The following VPS35L variants were observed in gnomAD, a reference collection of about 807,000 sequenced individuals.
VPS35L encodes VPS35 endosomal protein-sorting factor-like.
Under a neutral mutation model 133.0 loss-of-function variants are expected in VPS35L, and 83 were observed. The ratio of observed to expected loss-of-function variants is 0.62; its 90% CI spans 0.52 to 0.75. VPS35L has a LOEUF of 0.75. Among genes scored for constraint, VPS35L ranks in the 30% least tolerant of loss-of-function variants. The probability of loss-of-function intolerance (pLI) is 0.00; values close to 1 mark genes in which losing one functional copy is unlikely to be tolerated. For synonymous variants in VPS35L, 423 were observed against 449.9 expected, an observed-to-expected ratio of 0.94 and a Z score of 0.76; for missense variants, 1,083 against 1,206.8, an observed-to-expected ratio of 0.90 and a Z score of 1.52.
chr16:19,673,070 C>T (rs11866218), intron 27 of VPS35L, among the ~76,000 whole-genome samples: 13,918 of 152,144 alleles, frequency 0.091, 871 homozygotes, highest in East Asian at 0.21. Context: ...CTTCAGTTGT[C>T]ACCTTTCTGA....
chr16:19,636,785 C>A (rs1434751678), intron 19 of VPS35L, among the ~76,000 whole-genome samples: 1 of 152,208 alleles, frequency 6.6e-6, no homozygotes, highest in African/African-American at 2.4e-5. Context: ...ACCGCATCTT[C>A]TTGGCTCTCC....
intron 27 of VPS35L, among the ~76,000 whole-genome samples, chr16:19,670,296 ACT>A (rs1974832776): frequency 6.6e-6 from 1 of 152,144 alleles, no homozygotes; most frequent in South Asian, 2.1e-4. Flanking sequence ...AGTCCACTGC[ACT>A]CTCTATACTG....
intron 8 of VPS35L, among the ~76,000 whole-genome samples, chr16:19,597,572 C>A (rs1972256465): frequency 6.6e-6 from 1 of 152,116 alleles, no homozygotes; most frequent in African/African-American, 2.4e-5. Flanking sequence ...GAATTTTGAA[C>A]CAAGGGAATG....
At position 19,555,757 on chromosome 16, in the gene VPS35L, A is replaced by T; in HGVS notation, c.17+11A>T. 1 of 1,571,684 alleles carries T rather than the reference A, an allele frequency of 6.4e-7. No individual in the cohort carries two copies. Among genetic ancestry groups the T allele is most frequent in the Non-Finnish European group, 8.6e-7 (1 of 1,159,596 alleles). On this transcript the variant is annotated intron_variant, in intron 1 of 30. Transcript: ENST00000417362. The stretch of plus-strand genomic sequence containing the variant: ...GGCCGTCTTTCCTTGGTAAGGAAGC[A>T]GCGGCGGGTGGGCTTTGGAGAGGGG...
At chr16:19,676,971 G>A (rs1434632472) in intron 27 of VPS35L, among the ~76,000 whole-genome samples, 1 of 152,136 alleles carries the variant, frequency 6.6e-6, no homozygotes, top group East Asian at 1.9e-4. Context: ...CAGCTTCTCA[G>A]GAGGCTGAGG....
chr16:19,565,060 AT>A (rs35102175), intron 2 of VPS35L, 110 bp downstream of exon 2: 181,621 of 547,616 alleles, frequency 0.33, 11,309 homozygotes, highest in African/African-American at 0.52. Flanking sequence ...TGCATATTTG[AT>A]TTTTTTTTTT....
intron 12 of VPS35L, chr16:19,611,784 A>C (rs1227083069): frequency 6.6e-6 from 1 of 151,924 alleles, no homozygotes; most frequent in Non-Finnish European, 1.5e-5. Context: ...GGGATTTTCC[A>C]TCCAGAGATA....
At chr16:19,674,311 T>C (rs1411544324) in intron 27 of VPS35L, among the ~76,000 whole-genome samples, 1 of 147,976 alleles carries the variant, frequency 6.8e-6, no homozygotes, top group Non-Finnish European at 1.5e-5. Flanking sequence ...CGTGCCTCAG[T>C]CTCCCAAGTA....
chr16:19,677,519 G>C (rs1262612393), intron 27 of VPS35L, among the ~76,000 whole-genome samples: 2 of 152,196 alleles, frequency 1.3e-5, no homozygotes, highest in South Asian at 2.1e-4. Flanking sequence ...TAGTCAGCTA[G>C]GCACAGATGG....
At chr16:19,578,929 TC>T in intron 5 of VPS35L, 122 bp from the exon 6 acceptor site, 1 of 825,132 alleles carries the variant, frequency 1.2e-6, no homozygotes, top group Non-Finnish European at 2.0e-6. Flanking sequence ...GGGATAGTTT[TC>T]TATAATGGAA....
chr16:19,602,521 C>G (rs560170555), intron 9 of VPS35L, among the ~76,000 whole-genome samples: 15 of 152,136 alleles, frequency 9.9e-5, no homozygotes, highest in Non-Finnish European at 1.5e-5. Context: ...CTCCTCCTCT[C>G]TCTTCCTCTC....
At chr16:19,558,976 G>GTT (rs11369614) in intron 1 of VPS35L, among the ~76,000 whole-genome samples, 18,456 of 150,574 alleles carry the variant, frequency 0.12, 1,262 homozygotes, top group Middle Eastern at 0.18. Flanking sequence ...CATTTTAAGA[G>GTT]TTTTTTTTAT....
chr16:19,574,284 T>C (rs759762053), intron 4 of VPS35L, among the ~76,000 whole-genome samples: 57 of 152,274 alleles, frequency 3.7e-4, no homozygotes, highest in Non-Finnish European at 7.2e-4. Context: ...CTCACATTCA[T>C]GTTGGTAGAC....
intron 28 of VPS35L, among the ~76,000 whole-genome samples, chr16:19,687,961 A>T (rs1183860045): frequency 6.6e-6 from 1 of 151,980 alleles, no homozygotes; most frequent in African/African-American, 2.4e-5. Flanking sequence ...AAAATACAAA[A>T]TGTAGCCCTG....
intron 7 of VPS35L, among the ~76,000 whole-genome samples, chr16:19,587,566 G>A (rs1368498134): frequency 2.0e-5 from 3 of 151,636 alleles, no homozygotes; most frequent in African/African-American, 4.8e-5. Context: ...CCCAGGAGGC[G>A]GAGGTTGCGG....
chr16:19,570,026 C>CT (rs1369743365), intron 3 of VPS35L, among the ~76,000 whole-genome samples: 1 of 151,758 alleles, frequency 6.6e-6, no homozygotes, highest in African/African-American at 2.4e-5. Context: ...TCTGTGAAGT[C>CT]TTTTTGTTTT....
intron 14 of VPS35L, among the ~76,000 whole-genome samples, chr16:19,621,892 T>C (rs1445936869): frequency 1.3e-5 from 2 of 152,202 alleles, no homozygotes; most frequent in Non-Finnish European, 2.9e-5. Context: ...GGTAAGAATC[T>C]TTTGTCCATA....
At chr16:19,593,348 T>G (rs770541403) in intron 8 of VPS35L, among the ~76,000 whole-genome samples, 1 of 152,182 alleles carries the variant, frequency 6.6e-6, no homozygotes, top group Non-Finnish European at 1.5e-5. Context: ...TTACAGGGAC[T>G]AATGGGCTCC....
At chr16:19,624,335 C>T (rs1210529300) in intron 14 of VPS35L, among the ~76,000 whole-genome samples, 2 of 151,916 alleles carry the variant, frequency 1.3e-5, no homozygotes, top group African/African-American at 4.8e-5. Flanking sequence ...GTAATCCCAG[C>T]ACTTTGCAGG....
Sources: gnomAD v4.1 joint callset for allele counts (sites outside exome capture counted in the v4.1 genomes callset) on GRCh38, gnomAD v4.1.1 for gene constraint, MANE v1.5 for transcripts, NCBI Gene and HGNC (gene_info 2026-07-23, HGNC 2026-07-21) for gene names.